Variants in PTPN23 observed in about 807,000 individuals in gnomAD.
PTPN23 encodes the protein protein tyrosine phosphatase non-receptor type 23.
A neutral mutation model predicts 156.3 loss-of-function variants in PTPN23; 72 were observed. The ratio of observed to expected loss-of-function variants is 0.46; its 90% CI spans 0.38 to 0.56. The LOEUF (loss-of-function observed/expected upper bound fraction) is 0.56. Ranked by LOEUF, PTPN23 falls within the 20% of genes least tolerant of loss-of-function variation. The probability of loss-of-function intolerance (pLI) is 0.00; values close to 1 mark genes in which losing one functional copy is unlikely to be tolerated. For synonymous variants in PTPN23, 957 were observed against 899.6 expected (o/e 1.06, Z -1.14); for missense variants, 1,974 against 2,171.5 (o/e 0.91, Z 1.81).
At chr3:47,403,879 G>A (rs1004070274) in intron 2 of PTPN23, among the ~76,000 whole-genome samples, 25 of 152,070 alleles carry the variant, frequency 1.6e-4, no homozygotes, top group African/African-American at 5.6e-4. Flanking sequence ...ATATCCTTGC[G>A]TTCATATCCA....
rs1412429304 is a variant in PTPN23 at position 47,411,576 on chromosome 3, G to A, written c.3778G>A (p.Val1260Met). The A allele has an allele frequency of 1.9e-6, 3 of 1,612,664 alleles. No individual in the cohort carries two copies. The highest frequency in any genetic ancestry group is 8.5e-7 in the Non-Finnish European group (1 of 1,179,962). Residue 1260 changes from valine to methionine, a missense_variant, in exon 20 of 25, where the codon GTG (valine) becomes ATG (methionine). Physicochemically the swap from Val to Met is conservative, Grantham distance 21. Transcript: ENST00000265562. This position sits in a 1 kb window ranked among gnomAD's most constrained non-coding sequence, Gnocchi z 6.3. ...GCTCTCCCCATACTGCCCCCCGCTA[G>A]TGGCAACCCAGGCCCCACTGCCTGG... ...EGLSPYCPPL[V>M]ATQAPLPGTA...
At chr3:47,385,989 C>T (rs912441944) in intron 1 of PTPN23, among the ~76,000 whole-genome samples, 4 of 152,166 alleles carry the variant, frequency 2.6e-5, no homozygotes, top group African/African-American at 9.7e-5. Flanking sequence ...CAGGCCCTTA[C>T]TGGAATTCCC....
chr3:47,406,606 G>A lies in PTPN23; in HGVS notation c.753G>A (p.Val251=), dbSNP rs369739499. The change falls in exon 8 of 25, where the codon GTG becomes GTA. Residue 251 remains valine, a synonymous_variant. Transcript: ENST00000265562. This position sits in a 1 kb window ranked among gnomAD's most constrained non-coding sequence, Gnocchi z 5.8. ...VQMKIYYFAA[V]AHLHMGKQAE... Reference sequence around the variant, plus strand: ...TGAAGATCTACTACTTCGCAGCCGTGGCTCATGTGAGGGCCTGGGGCCCCA... The same window carrying A: ...TGAAGATCTACTACTTCGCAGCCGTAGCTCATGTGAGGGCCTGGGGCCCCA... The A allele has an allele frequency of 1.4e-5, 23 of 1,613,820 alleles. No individual in the cohort carries two copies. In the African/African-American group the frequency reaches 2.5e-4, roughly 18 times the overall value.
intron 2 of PTPN23, among the ~76,000 whole-genome samples, chr3:47,400,848 A>AT (rs372023593): frequency 1.1e-3 from 175 of 152,304 alleles, no homozygotes; most frequent in African/African-American, 4.0e-3. Flanking sequence ...TGCTGGGATT[A>AT]TAGGTGTGAG....
Position 47,409,528 on chromosome 3 carries a change from T to G in PTPN23, c.1909T>G (p.Tyr637Asp), listed in dbSNP as rs1705213160. The part of the protein sequence containing the change: ...LCALTEANVQ[Y>D]AAVRRVLSDL... ...TGCACTGACAGAGGCCAACGTGCAG[T>G]ACGCAGCCGTGCGGCGGGTACTCAG... The change falls in exon 18 of 25, where the codon TAC (tyrosine) becomes GAC (aspartate). Residue 637 changes from tyrosine (Y) to aspartate (D), a missense_variant. Around this residue, in one of 4 missense-constraint regions of PTPN23, gnomAD observed 726 missense variants for 929.5 expected, o/e 0.78. Transcript: ENST00000265562. The G allele has an allele frequency of 6.2e-7, 1 of 1,613,892 alleles. No homozygotes were observed. The highest frequency in any genetic ancestry group is 8.5e-7 in the Non-Finnish European group (1 of 1,179,948).
At position 47,411,751 on chromosome 3, in the gene PTPN23, AC is replaced by A; in HGVS notation, c.3889-30del. 3.1e-6 allele frequency: 5 copies of A among 1,592,454 alleles called. No homozygotes were observed. Among genetic ancestry groups the A allele is most frequent in the Non-Finnish European group, 4.3e-6 (5 of 1,165,664 alleles). ...GTGGCAGGGCAGGGGATCCTGGAAA[AC>A]CAGGTCTGTCTTGGCTTATCTGTCC... On this transcript the variant is annotated intron_variant, in intron 20 of 24. Coordinates refer to ENST00000265562, the MANE Select transcript of PTPN23 (RefSeq NM_015466.4). The surrounding 1 kb of genome is among the most constrained non-coding windows in gnomAD (Gnocchi z 6.3).
chr3:47,411,725 G>A lies in PTPN23; in HGVS notation c.3888+39G>A, dbSNP rs1705297682. The A allele has an allele frequency of 6.3e-7, 1 of 1,594,526 alleles. No individual in the cohort carries two copies. The highest frequency in any genetic ancestry group is 1.1e-5 in the South Asian group (1 of 89,298). On this transcript the variant is annotated intron_variant, in intron 20 of 24. Transcript: ENST00000265562. This position sits in a 1 kb window ranked among gnomAD's most constrained non-coding sequence, Gnocchi z 6.3. The stretch of plus-strand genomic sequence containing the variant: ...GTGGGTGCCCACGAGGGCAGTGTGG[G>A]GTGGCAGGGCAGGGGATCCTGGAAA...
intron 1 of PTPN23, among the ~76,000 whole-genome samples, chr3:47,384,765 AT>A (rs767237210): frequency 5.0e-3 from 722 of 143,486 alleles, no homozygotes; most frequent in Non-Finnish European, 4.6e-3. Context: ...ACCCGTGTGA[AT>A]TTTTTTTTTT....
intron 2 of PTPN23, among the ~76,000 whole-genome samples, chr3:47,400,852 G>C (rs1436806853): frequency 1.3e-5 from 2 of 152,092 alleles, no homozygotes; most frequent in Non-Finnish European, 2.9e-5. Flanking sequence ...GGGATTATAG[G>C]TGTGAGCCAC....
chr3:47,393,645 T>C (rs1192703875), intron 1 of PTPN23, among the ~76,000 whole-genome samples: 1 of 152,226 alleles, frequency 6.6e-6, no homozygotes, highest in African/African-American at 2.4e-5. Flanking sequence ...TAAGAAAATC[T>C]ACAATAATTT....
chr3:47,413,047 C>T lies in PTPN23; in HGVS notation c.4773C>T (p.Asp1591=). ...ASLTPEAFSL[D]SSLRGKQRMS... ...TGACCCCAGAGGCCTTCTCCCTGGA[C>T]AGCTCCCTGCGGGGCAAACAGCGGA... is the stretch of plus-strand genomic sequence containing the variant. The change falls in exon 25 of 25, where the codon GAC becomes GAT. Residue 1591 remains aspartate, a synonymous_variant. Transcript: ENST00000265562. 6.2e-7 allele frequency: 1 copy of T among 1,612,974 alleles called. No homozygotes were observed. Among genetic ancestry groups the T allele is most frequent in the Non-Finnish European group, 8.5e-7 (1 of 1,180,016 alleles).
At chr3:47,386,836 A>G (rs1184257397) in intron 1 of PTPN23, among the ~76,000 whole-genome samples, 1 of 152,222 alleles carries the variant, frequency 6.6e-6, no homozygotes, top group Non-Finnish European at 1.5e-5. Flanking sequence ...TGGATTGTCC[A>G]TTATTCTCTG....
Position 47,410,249 on chromosome 3 carries a change from T to C in PTPN23, c.2451T>C (p.Pro817=). Residue 817 remains proline (P), a synonymous_variant, in exon 20 of 25, where the codon CCT becomes CCC. Coordinates refer to ENST00000265562, the MANE Select transcript of PTPN23 (RefSeq NM_015466.4). ...GGCCCCATGCAATGCCCGTAGCACC[T>C]GGGCCTGCCCTCTACCCAGCCCCTG... is the stretch of plus-strand genomic sequence containing the variant. ...APGPHAMPVA[P]GPALYPAPAY... The C allele has an allele frequency of 6.2e-7, 1 of 1,610,790 alleles. No individual in the cohort carries two copies. Among genetic ancestry groups the C allele is most frequent in the South Asian group, 1.1e-5 (1 of 90,478 alleles).
chr3:47,408,635 A>T lies in PTPN23; in HGVS notation c.1331-141A>T, dbSNP rs1705187403. 2.1e-6 allele frequency: 3 copies of T among 1,415,008 alleles called. No individual in the cohort carries two copies. In the African/African-American group the frequency reaches 4.3e-5, roughly 20 times the overall value. The allele number at this position is 1,415,008 out of a possible 1,614,324, so 87.7% of individuals were successfully genotyped here. Reference sequence around the variant, plus strand: ...TCCACACCCACTCCTCTGAATCAGCATACCTCTTGCACCCTGCTCAGTGTG... The same window carrying T: ...TCCACACCCACTCCTCTGAATCAGCTTACCTCTTGCACCCTGCTCAGTGTG... On this transcript the variant is annotated intron_variant, in intron 15 of 24. Coordinates refer to ENST00000265562, the MANE Select transcript of PTPN23 (RefSeq NM_015466.4).
In PTPN23 at chr3:47,410,727, C is replaced by G; in HGVS notation, c.2929C>G (p.Pro977Ala). ...GCCTCAGCCCCCACAGCAGCCCCTT[C>G]CACTCCAGCATCCACATCTCTTCCC... ...FGPQPPQQPL[P>A]LQHPHLFPPQ... The change falls in exon 20 of 25, where the codon CCA becomes GCA. Residue 977 changes from proline (P) to alanine (A), a missense_variant. By Grantham distance (27) the Pro-to-Ala change is conservative. Coordinates refer to ENST00000265562, the MANE Select transcript of PTPN23 (RefSeq NM_015466.4). 6.3e-7 allele frequency: 1 copy of G among 1,579,938 alleles called. No homozygotes were observed. The highest frequency in any genetic ancestry group is 8.6e-7 in the Non-Finnish European group (1 of 1,163,066).
chr3:47,404,598 C>T (rs773473809), intron 2 of PTPN23, 54 bp from the exon 3 acceptor site: 28 of 1,597,906 alleles, frequency 1.8e-5, no homozygotes, highest in Non-Finnish European at 2.3e-5. Flanking sequence ...AGCTGGCCTG[C>T]GTGTCCACTG....
chr3:47,411,488 C>CAG lies in PTPN23; in HGVS notation c.3691_3692dup (p.Ser1231ArgfsTer30), dbSNP rs1199503118. 1 of 1,613,164 alleles carries CAG rather than the reference C, an allele frequency of 6.2e-7. No homozygotes were observed. Among genetic ancestry groups the CAG allele is most frequent in the Non-Finnish European group, 8.5e-7 (1 of 1,180,028 alleles). Reference sequence around the variant, plus strand: ...GGCACCAGGATGTCATGCCCTATGACAGTAACCGTGTGGTGCTGCGCTCAG... The same window carrying CAG: ...GGCACCAGGATGTCATGCCCTATGACAGAGTAACCGTGTGGTGCTGCGCTCAG... On this transcript the variant is annotated frameshift_variant, in exon 20 of 25. Transcript: ENST00000265562. LOFTEE classifies it high-confidence loss of function. This position sits in a 1 kb window ranked among gnomAD's most constrained non-coding sequence, Gnocchi z 6.3.
Position 47,405,210 on chromosome 3 carries a change from A to G in PTPN23, c.364+129A>G, listed in dbSNP as rs1216639592. On this transcript the variant is annotated intron_variant, in intron 4 of 24. Coordinates refer to ENST00000265562, the MANE Select transcript of PTPN23 (RefSeq NM_015466.4). This position sits in a 1 kb window ranked among gnomAD's most constrained non-coding sequence, Gnocchi z 4.7. The stretch of plus-strand genomic sequence containing the variant: ...CTCCAGGATTCCCGCCCCTCCACTG[A>G]CCTCCCCACAGCCCTGCCAGCTCCT... 1 of 801,908 alleles carries G rather than the reference A, an allele frequency of 1.2e-6. No homozygotes were observed. The highest frequency in any genetic ancestry group is 2.1e-6 in the Non-Finnish European group (1 of 481,458). 49.7% of individuals were successfully genotyped at this position (801,908 alleles called of 1,614,324 possible). A position where few individuals can be genotyped will look rare whatever the true frequency, so the allele number is the denominator to read the frequency against.
In PTPN23 at chr3:47,406,514, T is replaced by C. The variant is rs775104608; in HGVS notation, c.661T>C (p.Leu221=). The C allele has an allele frequency of 6.2e-7, 1 of 1,613,978 alleles. No homozygotes were observed. Among genetic ancestry groups the C allele is most frequent in the Non-Finnish European group, 8.5e-7 (1 of 1,179,976 alleles). Residue 221 remains leucine (L), a synonymous_variant, in exon 8 of 25, where the codon TTG becomes CTG. Coordinates refer to ENST00000265562, the MANE Select transcript of PTPN23 (RefSeq NM_015466.4). The surrounding 1 kb of genome is among the most constrained non-coding windows in gnomAD (Gnocchi z 5.8). ...TTACTACAAGGAGGCATGCCGGGCC[T>C]TGGAGAACCCCGACACTGCCTCACT... ...VDYYKEACRA[L]ENPDTASLLG... is the part of the protein sequence containing the mutation.
Sources: allele counts gnomAD v4.1 joint callset (sites outside exome capture counted in the v4.1 genomes callset), GRCh38; gene constraint gnomAD v4.1.1; regional missense constraint gnomAD v4.1.1; non-coding constraint Gnocchi (gnomAD v3.1); transcripts MANE v1.5; gene names NCBI Gene and HGNC (gene_info 2026-07-23, HGNC 2026-07-21).